EPC1: variants seen among roughly 807,000 people sequenced by gnomAD.
EPC1 encodes enhancer of polycomb 1, also known as enhancer of polycomb homolog 1.
In EPC1, 12 loss-of-function variants were observed where a neutral mutation model predicts 98.4. That is an observed-to-expected ratio of 0.12 (90% CI 0.08 to 0.20). EPC1 has a LOEUF of 0.20. Ranked by LOEUF, EPC1 falls within the 10% of genes least tolerant of loss-of-function variation. The pLI, the probability that EPC1 is intolerant of heterozygous loss-of-function variation, is 1.00. For missense variants in EPC1, 729 were observed against 990.5 expected, an observed-to-expected ratio of 0.74 and a Z score of 3.54; for synonymous variants, 357 against 363.9, an observed-to-expected ratio of 0.98 and a Z score of 0.21.
rs190780830 is a variant in EPC1, at chr10:32,356,681, C to T, written c.3+21810G>A. ...GAAGTTATAGGCCTAGTGGTGCCTG[C>T]GCACGTTGATTAAACATTTACCGCC... On this transcript the variant is annotated intron_variant, in intron 1 of 13. Coordinates refer to the EPC1 transcript ENST00000375110. Among the ~76,000 whole-genome samples the T allele has an allele frequency of 4.1e-3, 622 of 152,246 alleles. 7 individuals are homozygous for T. The highest frequency in any genetic ancestry group is 0.014 in the African/African-American group (586 of 41,580).
intron 1 of EPC1, among the ~76,000 whole-genome samples, chr10:32,353,299 G>A (rs545731577): frequency 6.6e-6 from 1 of 152,156 alleles, no homozygotes; most frequent in Non-Finnish European, 1.5e-5. Context: ...AGAGAGAAAG[G>A]GGTAGCTATT....
At position 32,378,347 on chromosome 10, in the gene EPC1, C is replaced by A. The variant is rs1167712230; in HGVS notation, c.3+144G>T. The stretch of plus-strand genomic sequence containing the variant: ...TTTTTTTCTTTTGGTAAAAATTAAC[C>A]AGGCAAGATTAGGTAGAACGTGCAG... On this transcript the variant is annotated intron_variant, in intron 1 of 13. Coordinates refer to the EPC1 transcript ENST00000375110. 5.8e-5 allele frequency: 28 copies of A among 483,554 alleles called. 2 individuals carry two copies. The South Asian group carries it at 1.5e-3, about 26-fold the overall frequency. 30.0% of individuals were successfully genotyped at this position (483,554 alleles called of 1,614,324 possible).
At chr10:32,335,308 A>C (rs1474630331) in intron 1 of EPC1, among the ~76,000 whole-genome samples, 1 of 152,000 alleles carries the variant, frequency 6.6e-6, no homozygotes, top group East Asian at 1.9e-4. Context: ...AATCTGTCCC[A>C]ATCTTCCACC....
chr10:32,347,633 G>T (rs1204677034), upstream of EPC1, among the ~76,000 whole-genome samples: 3 of 152,086 alleles, frequency 2.0e-5, no homozygotes, highest in Non-Finnish European at 4.4e-5. Context: ...GCCCCCACGG[G>T]GCTTCGGAGG....
At chr10:32,306,719 G>C (rs1835894641) in intron 1 of EPC1, among the ~76,000 whole-genome samples, 1 of 152,102 alleles carries the variant, frequency 6.6e-6, no homozygotes, top group South Asian at 2.1e-4. Context: ...CATATAACAG[G>C]TGCTCAAAAT....
At position 32,378,402 on chromosome 10, in the gene EPC1, T is replaced by C. The variant is rs574487921; in HGVS notation, c.3+89A>G. 1.6e-5 allele frequency: 17 copies of C among 1,066,006 alleles called. No individual in the cohort carries two copies. In the African/African-American group the frequency reaches 2.4e-4, roughly 15 times the overall value. 66.0% of individuals were successfully genotyped at this position (1,066,006 alleles called of 1,614,324 possible). A position where few individuals can be genotyped will look rare whatever the true frequency, so the allele number is the denominator to read the frequency against. On this transcript the variant is annotated intron_variant, in intron 1 of 13. Coordinates refer to the EPC1 transcript ENST00000375110. ...CAAAGCTAAAGAAAAATACAAAGAT[T>C]GGTTTTGTTAGAAGAAACACAATGA... is the stretch of plus-strand genomic sequence containing the variant.
chr10:32,307,978 T>C (rs1157201126), intron 1 of EPC1, among the ~76,000 whole-genome samples: 1 of 152,238 alleles, frequency 6.6e-6, no homozygotes, highest in Admixed American at 6.5e-5. Context: ...CAAATCTGTC[T>C]TACTCCTGGT....
intron 1 of EPC1, among the ~76,000 whole-genome samples, chr10:32,370,260 C>A (rs1165218349): frequency 6.6e-6 from 1 of 152,128 alleles, no homozygotes; most frequent in East Asian, 1.9e-4. Context: ...TGTCATTAAT[C>A]TTTATGTAGG....
In EPC1 at chr10:32,271,717, C is replaced by G; in HGVS notation, c.2206G>C (p.Val736Leu). Residue 736 changes from valine (V) to leucine (L), a missense_variant, in exon 13 of 14, where the codon GTA (valine) becomes CTA (leucine). Val to Leu is a conservative substitution (Grantham distance 32). This residue lies in a region of EPC1 where 156 missense variants were observed against 188.9 expected (regional missense o/e 0.83). Transcript: ENST00000319778. ...TTTACAGTGGCAACTGATGAAGGTA[C>G]AGTTAATCGAATGTTGTTCCCAATC... ...VLIGNNIRLT[V>L]PSSVATVNSI... The G allele has an allele frequency of 6.2e-7, 1 of 1,614,160 alleles. No homozygotes were observed. Among genetic ancestry groups the G allele is most frequent in the Non-Finnish European group, 8.5e-7 (1 of 1,180,040 alleles).
At chr10:32,275,575 G>C (rs930884576) in intron 10 of EPC1, among the ~76,000 whole-genome samples, 1 of 151,090 alleles carries the variant, frequency 6.6e-6, no homozygotes, top group African/African-American at 2.4e-5. Context: ...GACCATCCTG[G>C]CTAACACAGT....
Position 32,293,322 on chromosome 10 carries a change from C to T in EPC1, c.460-128G>A, listed in dbSNP as rs140980603. 141 of 791,288 alleles carry T rather than the reference C, an allele frequency of 1.8e-4. No individual in the cohort carries two copies. The African/African-American group carries it at 2.2e-3, about 12-fold the overall frequency. 49.0% of individuals were successfully genotyped at this position (791,288 alleles called of 1,614,324 possible). On this transcript the variant is annotated intron_variant, in intron 3 of 13. Coordinates refer to ENST00000319778, the MANE Select transcript of EPC1 (RefSeq NM_001272004.3). ...TAACAAATGGGAAACTTGAGGAGTACATTATGCCTGTCAGTCACTGAACTA... is the reference window on the plus strand; with the variant it reads ...TAACAAATGGGAAACTTGAGGAGTATATTATGCCTGTCAGTCACTGAACTA...
intron 1 of EPC1, among the ~76,000 whole-genome samples, chr10:32,313,071 C>T (rs1431520500): frequency 1.3e-5 from 2 of 150,108 alleles, no homozygotes; most frequent in Non-Finnish European, 3.0e-5. Context: ...GGGTTTGAAA[C>T]TTAGATTTTT....
At chr10:32,339,018 A>G (rs1838161793) in intron 1 of EPC1, among the ~76,000 whole-genome samples, 2 of 152,146 alleles carry the variant, frequency 1.3e-5, no homozygotes, top group Non-Finnish European at 2.9e-5. Flanking sequence ...TCATGACAAT[A>G]AAAGTTATTT....
chr10:32,312,739 C>A (rs750467160), intron 1 of EPC1, among the ~76,000 whole-genome samples: 1 of 151,998 alleles, frequency 6.6e-6, no homozygotes, highest in African/African-American at 2.4e-5. Context: ...TACATGTGCA[C>A]GCACACACAG....
At chr10:32,316,261 C>T (rs1475434) in intron 1 of EPC1, among the ~76,000 whole-genome samples, 151,493 of 152,340 alleles carry the variant, frequency 0.99, 75,329 homozygotes, top group Middle Eastern at 1. Context: ...GAGGAAAGGC[C>T]GATAGATACT....
chr10:32,306,032 G>GA, intron 1 of EPC1, 101 bp from the exon 2 acceptor site: 1 of 1,012,656 alleles, frequency 9.9e-7, no homozygotes. Context: ...TTTTAAAATA[G>GA]AGAGATTCTA....
At chr10:32,285,971 T>TAAA (rs962758704) in intron 9 of EPC1, 2 of 150,922 alleles carry the variant, frequency 1.3e-5, no homozygotes, top group Non-Finnish European at 3.0e-5. Flanking sequence ...GTTTAAATAA[T>TAAA]AAAAAAAAAC....
intron 1 of EPC1, among the ~76,000 whole-genome samples, chr10:32,318,357 GTCTAAAAGTGCTTATATAA>G (rs1836679762): frequency 6.6e-6 from 1 of 151,992 alleles, no homozygotes; most frequent in South Asian, 2.1e-4. Context: ...ATTTAAATCT[GTCTAAAAGTGCTTATATAA>G]TCAATAACAC....
At chr10:32,350,585 A>T (rs1208174822), upstream of EPC1, among the ~76,000 whole-genome samples, 1 of 152,230 alleles carries the variant, frequency 6.6e-6, no homozygotes, top group Non-Finnish European at 1.5e-5. Context: ...GGAGTTCAGT[A>T]GGAGACTCCA....
Sources: gnomAD v4.1 joint callset for allele counts (sites outside exome capture counted in the v4.1 genomes callset) on GRCh38, gnomAD v4.1.1 for gene constraint, gnomAD v4.1.1 regional missense constraint, MANE v1.5 for transcripts, NCBI Gene and HGNC (gene_info 2026-07-23, HGNC 2026-07-21) for gene names.